Variants in TMEM132D observed in about 807,000 individuals in gnomAD.
TMEM132D encodes the protein mature OL transmembrane protein.
In TMEM132D, 21 loss-of-function variants were observed where a neutral mutation model predicts 62.3. The ratio of observed to expected loss-of-function variants is 0.34; its 90% CI spans 0.24 to 0.49. TMEM132D has a LOEUF of 0.49. Ranked by LOEUF, TMEM132D falls within the 20% of genes least tolerant of loss-of-function variation. TMEM132D has a pLI of 0.99. For missense variants in TMEM132D, 1,346 were observed against 1,402.8 expected (o/e 0.96, Z 0.65); for synonymous variants, 621 against 575.6 (o/e 1.08, Z -1.13).
chr12:129,734,227 A>T (rs574357225), intron 1 of TMEM132D, among the ~76,000 whole-genome samples: 39 of 152,300 alleles, frequency 2.6e-4, no homozygotes, highest in African/African-American at 7.7e-4. Context: ...TGACCTAAGG[A>T]AAGTATAAGA....
chr12:129,366,421 C>T (rs1870415129), intron 3 of TMEM132D, among the ~76,000 whole-genome samples: 1 of 152,052 alleles, frequency 6.6e-6, no homozygotes, highest in Admixed American at 6.6e-5. Flanking sequence ...CTTGCTCCTG[C>T]TCTGGCCATG....
intron 3 of TMEM132D, 44 bp downstream of exon 3, chr12:129,531,015 A>G (rs1231422869): frequency 6.8e-7 from 1 of 1,462,550 alleles, no homozygotes; most frequent in Non-Finnish European, 9.2e-7. Context: ...ATCAGGCCAC[A>G]TTTGCAGCTG....
intron 4 of TMEM132D, among the ~76,000 whole-genome samples, chr12:129,280,143 C>T (rs2135608557): frequency 6.6e-6 from 1 of 152,236 alleles, no homozygotes; most frequent in African/African-American, 2.4e-5. Flanking sequence ...CTAATTAAGG[C>T]CTAACAATGT....
At chr12:129,776,196 T>G (rs115697952) in intron 1 of TMEM132D, among the ~76,000 whole-genome samples, 102 of 152,214 alleles carry the variant, frequency 6.7e-4, no homozygotes, top group African/African-American at 2.2e-3. Flanking sequence ...GGGCTGTAAA[T>G]GCTGGAACCT....
At chr12:129,604,596 T>C (rs1368237367) in intron 2 of TMEM132D, among the ~76,000 whole-genome samples, 2 of 152,172 alleles carry the variant, frequency 1.3e-5, no homozygotes, top group Non-Finnish European at 2.9e-5. Flanking sequence ...CTGACCCAAC[T>C]TTCCAGCCTC....
At chr12:129,511,332 T>C (rs974668210) in intron 3 of TMEM132D, among the ~76,000 whole-genome samples, 8 of 152,240 alleles carry the variant, frequency 5.3e-5, no homozygotes, top group African/African-American at 1.9e-4. Flanking sequence ...CCAATTTTTT[T>C]TGCAATGCAT....
intron 4 of TMEM132D, among the ~76,000 whole-genome samples, chr12:129,251,519 TC>T (rs1156268773): frequency 6.6e-6 from 1 of 152,172 alleles, no homozygotes; most frequent in Non-Finnish European, 1.5e-5. Flanking sequence ...TGCAGGCATC[TC>T]GGCATTCAAT....
intron 3 of TMEM132D, among the ~76,000 whole-genome samples, chr12:129,368,589 A>C (rs747216827): frequency 6.6e-6 from 1 of 150,840 alleles, no homozygotes; most frequent in African/African-American, 2.4e-5. Context: ...TATTATTATT[A>C]TTTTTTTTAC....
chr12:129,698,381 C>A lies in TMEM132D; in HGVS notation c.968+1429G>T, dbSNP rs566525229. ...CCAAGTTCAGTCATTAGATGCATGT[C>A]CATTAGGTTCTGTTTCTTTAGTTAA... is the stretch of plus-strand genomic sequence containing the variant. On this transcript the variant is annotated intron_variant, in intron 2 of 8. Coordinates refer to ENST00000422113, the MANE Select transcript of TMEM132D (RefSeq NM_133448.3). Among the ~76,000 whole-genome samples, 8 of 151,220 alleles carry A rather than the reference C, an allele frequency of 5.3e-5. No individual in the cohort carries two copies. The South Asian group carries it at 1.7e-3, about 32-fold the overall frequency.
At chr12:129,253,329 C>T (rs1449451802) in intron 4 of TMEM132D, among the ~76,000 whole-genome samples, 4 of 151,860 alleles carry the variant, frequency 2.6e-5, no homozygotes, top group Non-Finnish European at 5.9e-5. Flanking sequence ...AGACAGTGGT[C>T]GTCCAGTAGC....
intron 5 of TMEM132D, among the ~76,000 whole-genome samples, chr12:129,205,574 T>C (rs1188888306): frequency 6.6e-6 from 1 of 152,138 alleles, no homozygotes; most frequent in African/African-American, 2.4e-5. Context: ...GTGGGAAACT[T>C]CAACATCCCA....
At chr12:129,475,398 A>T (rs997747315) in intron 3 of TMEM132D, among the ~76,000 whole-genome samples, 3 of 152,194 alleles carry the variant, frequency 2.0e-5, no homozygotes, top group Non-Finnish European at 2.9e-5. Flanking sequence ...CAGAATCTAT[A>T]AAAAAGGGAC....
intron 4 of TMEM132D, among the ~76,000 whole-genome samples, chr12:129,301,520 C>A (rs1238423352): frequency 6.6e-6 from 1 of 152,086 alleles, no homozygotes; most frequent in Non-Finnish European, 1.5e-5. Flanking sequence ...TTCAAAAGCA[C>A]AGACATTACT....
chr12:129,188,129 T>C (rs1878271287), intron 5 of TMEM132D, among the ~76,000 whole-genome samples: 1 of 152,204 alleles, frequency 6.6e-6, no homozygotes, highest in Non-Finnish European at 1.5e-5. Context: ...TTGAAGACTG[T>C]TTTCTATCCC....
Position 129,350,838 on chromosome 12 carries a change from G to C in TMEM132D, c.1116-13021C>G, listed in dbSNP as rs542380140. Among the ~76,000 whole-genome samples, 5 of 152,228 alleles carry C rather than the reference G, an allele frequency of 3.3e-5. No homozygotes were observed. The South Asian group carries it at 1.0e-3, about 32-fold the overall frequency. ...CCTTAGCCCCTTCCCCTCCTATAAA[G>C]AGACAAGAAGGCACCTTTTTAACCT... On this transcript the variant is annotated intron_variant, in intron 3 of 8. Coordinates refer to ENST00000422113, the MANE Select transcript of TMEM132D (RefSeq NM_133448.3).
chr12:129,441,929 C>A (rs1354052351), intron 3 of TMEM132D, among the ~76,000 whole-genome samples: 4 of 152,240 alleles, frequency 2.6e-5, no homozygotes, highest in African/African-American at 9.6e-5. Flanking sequence ...GAGAGCGGTG[C>A]ACTGGGTACT....
At chr12:129,240,531 A>G (rs1879909014) in intron 4 of TMEM132D, among the ~76,000 whole-genome samples, 1 of 152,240 alleles carries the variant, frequency 6.6e-6, no homozygotes, top group South Asian at 2.1e-4. Flanking sequence ...TCAAACTATA[A>G]CAGCATATAA....
chr12:129,565,736 G>T (rs761636854), intron 2 of TMEM132D, among the ~76,000 whole-genome samples: 4 of 152,152 alleles, frequency 2.6e-5, no homozygotes, highest in Non-Finnish European at 5.9e-5. Context: ...GGGTCAGCCC[G>T]CTCCTTTCTT....
intron 2 of TMEM132D, among the ~76,000 whole-genome samples, chr12:129,684,057 A>C (rs780468568): frequency 5.3e-5 from 8 of 152,340 alleles, no homozygotes; most frequent in Middle Eastern, 3.4e-3. Context: ...TAGCCAAAGA[A>C]GACCATGAAG....
Sources: allele counts gnomAD v4.1 joint callset (sites outside exome capture counted in the v4.1 genomes callset), GRCh38; gene constraint gnomAD v4.1.1; transcripts MANE v1.5; gene names NCBI Gene and HGNC (gene_info 2026-07-23, HGNC 2026-07-21).